Variants in KIF5B observed in about 807,000 individuals in gnomAD.
KIF5B encodes the protein kinesin-1 heavy chain.
In KIF5B, 49 loss-of-function variants were observed where a neutral mutation model predicts 132.8. That is an observed-to-expected ratio of 0.37 (90% confidence interval 0.29 to 0.47). The LOEUF (loss-of-function observed/expected upper bound fraction) is 0.47. KIF5B is among the 20% of genes least tolerant of loss of function. The pLI is 1.00. For missense variants in KIF5B, 780 were observed against 1,144.0 expected, an observed-to-expected ratio of 0.68 and a Z score of 4.59; for synonymous variants, 355 against 369.4, an observed-to-expected ratio of 0.96 and a Z score of 0.45.
In KIF5B at chr10:32,018,162, A is replaced by G. The variant is rs1472801797; in HGVS notation, c.2440-6T>C. ...TCAGAATCAATCTCAGCACTCTGAG[A>G]AAAGAAGGTAAGTATTACAAAAAAA... On this transcript the variant is annotated splice_polypyrimidine_tract_variant and splice_region_variant and intron_variant, in intron 22 of 25. Transcript: ENST00000302418. 1 of 1,579,714 alleles carries G rather than the reference A, an allele frequency of 6.3e-7. No individual in the cohort carries two copies. Among genetic ancestry groups the G allele is most frequent in the Non-Finnish European group, 8.6e-7 (1 of 1,162,462 alleles).
Position 32,033,891 on chromosome 10 carries a change from T to C in KIF5B, c.1259A>G (p.Lys420Arg). ...IGNFTDAERR[K>R]CEEEIAKLYK... ...TAATTTAGCAATTTCTTCTTCACAC[T>C]TTCTTCTTTCAGCATCAGTAAAATT... Residue 420 changes from lysine (K) to arginine (R), a missense_variant, in exon 12 of 26, where the codon AAG (lysine) becomes AGG (arginine). Transcript: ENST00000302418. 1.2e-6 allele frequency: 2 copies of C among 1,613,246 alleles called. No homozygotes were observed. The highest frequency in any genetic ancestry group is 1.7e-6 in the Non-Finnish European group (2 of 1,179,726).
At chr10:32,031,566 G>C (rs1360484392) in intron 13 of KIF5B, among the ~76,000 whole-genome samples, 1 of 152,174 alleles carries the variant, frequency 6.6e-6, no homozygotes, top group Non-Finnish European at 1.5e-5. Flanking sequence ...AACCATAAGA[G>C]AGGGACAGGA....
At position 32,015,621 on chromosome 10, in the gene KIF5B, G is replaced by C; in HGVS notation, c.2800C>G (p.Pro934Ala). ...CCACGAATTGCACTTGGGTGAGTTG[G>C]AGAAGCTGCTGGATGTTGCCCGGGA... ...IRPGQHPAAS[P>A]THPSAIRGGG... The change falls in exon 25 of 26, where the codon CCA becomes GCA. Residue 934 changes from proline (P) to alanine (A), a missense_variant. By Grantham distance (27) the Pro-to-Ala change is conservative. Transcript: ENST00000302418. The C allele has an allele frequency of 1.2e-6, 2 of 1,613,748 alleles. No individual in the cohort carries two copies. The highest frequency in any genetic ancestry group is 1.1e-5 in the South Asian group (1 of 91,034).
At chr10:32,053,005 ATT>A (rs1841712943) in intron 1 of KIF5B, among the ~76,000 whole-genome samples, 1 of 152,260 alleles carries the variant, frequency 6.6e-6, no homozygotes, top group African/African-American at 2.4e-5. Flanking sequence ...ATGAGCACTG[ATT>A]ATGCTTCTAA....
At chr10:32,027,618 T>C (rs2132593600) in intron 15 of KIF5B, among the ~76,000 whole-genome samples, 1 of 151,352 alleles carries the variant, frequency 6.6e-6, no homozygotes, top group East Asian at 1.9e-4. Context: ...CTAATCTTTT[T>C]TTTTTTTTTT....
intron 1 of KIF5B, among the ~76,000 whole-genome samples, chr10:32,054,862 T>A (rs527960282): frequency 1.1e-4 from 16 of 152,326 alleles, no homozygotes; most frequent in African/African-American, 3.8e-4. Context: ...GTCTCACTGA[T>A]AATGATCACT....
intron 13 of KIF5B, among the ~76,000 whole-genome samples, chr10:32,031,842 C>A (rs376584836): frequency 3.1e-4 from 12 of 39,290 alleles, no homozygotes; most frequent in Non-Finnish European, 2.9e-4. Flanking sequence ...ACTAAAAATA[C>A]CAAAAAATTA....
At chr10:32,019,605 G>GA (rs1247834422) in intron 20 of KIF5B, among the ~76,000 whole-genome samples, 1 of 152,112 alleles carries the variant, frequency 6.6e-6, no homozygotes, top group Admixed American at 6.5e-5. Context: ...TGGAGATAAA[G>GA]AAACAGCAAG....
At chr10:32,014,200 G>A (rs1030969379) in intron 25 of KIF5B, among the ~76,000 whole-genome samples, 5 of 152,108 alleles carry the variant, frequency 3.3e-5, no homozygotes, top group East Asian at 3.9e-4. Context: ...AAAGTGTTCC[G>A]AATATATTGC....
intron 6 of KIF5B, 54 bp downstream of exon 6, chr10:32,038,109 T>TAA (rs373407112): frequency 8.8e-4 from 847 of 963,444 alleles, no homozygotes; most frequent in South Asian, 1.2e-3. Context: ...GACTCTGTCT[T>TAA]AAAAAAAAAA....
intron 13 of KIF5B, among the ~76,000 whole-genome samples, chr10:32,031,802 G>C (rs1841405587): frequency 6.8e-6 from 1 of 147,574 alleles, no homozygotes; most frequent in Non-Finnish European, 1.5e-5. Context: ...TTTGAGACCA[G>C]CCTGACCAAC....
At position 32,055,177 on chromosome 10, in the gene KIF5B, C is replaced by A. The variant is rs1159749826; in HGVS notation, c.126+671G>T. Among the ~76,000 whole-genome samples the A allele has an allele frequency of 4.0e-5, 6 of 151,668 alleles. 1 individual carries two copies. The Middle Eastern group carries it at 0.017, about 430-fold the overall frequency. The stretch of plus-strand genomic sequence containing the variant: ...GCTAGATTAAACAAAACTGATCATC[C>A]TGTTTCAAAAAAAAAAAAGCTCAAC... On this transcript the variant is annotated intron_variant, in intron 1 of 25. Coordinates refer to ENST00000302418, the MANE Select transcript of KIF5B (RefSeq NM_004521.3).
chr10:32,013,669 GTGTGATAATAT>G (rs1299392470), intron 25 of KIF5B, among the ~76,000 whole-genome samples: 1 of 150,612 alleles, frequency 6.6e-6, no homozygotes, highest in Non-Finnish European at 1.5e-5. Flanking sequence ...ATCTTACTGG[GTGTGATAATAT>G]TGTGGCTATG....
At chr10:32,054,180 G>C (rs902713647) in intron 1 of KIF5B, among the ~76,000 whole-genome samples, 1 of 152,204 alleles carries the variant, frequency 6.6e-6, no homozygotes, top group African/African-American at 2.4e-5. Flanking sequence ...TGCAGAAGCT[G>C]AGTACTGTAA....
At chr10:32,048,019 C>A (rs757574055) in intron 2 of KIF5B, among the ~76,000 whole-genome samples, 14 of 152,150 alleles carry the variant, frequency 9.2e-5, no homozygotes, top group Non-Finnish European at 1.6e-4. Context: ...CCCTTGGCAA[C>A]CCTTGTTAAA....
rs1564468493 is a variant in KIF5B, at chr10:32,037,393, CACAAACAAAT to C, written c.587-25_587-16del. The C allele has an allele frequency of 6.2e-7, 1 of 1,608,300 alleles. No homozygotes were observed. Among genetic ancestry groups the C allele is most frequent in the South Asian group, 1.1e-5 (1 of 90,242 alleles). On this transcript the variant is annotated splice_polypyrimidine_tract_variant and intron_variant, in intron 7 of 25. Transcript: ENST00000302418. ...TTCATTCATATCTGCAAGGAAATTA[CACAAACAAAT>C]ATAAACAAACATGATTTCCCCTTAA...
chr10:32,035,269 T>C (rs1007005642), intron 10 of KIF5B, among the ~76,000 whole-genome samples: 1 of 152,216 alleles, frequency 6.6e-6, no homozygotes, highest in African/African-American at 2.4e-5. Context: ...TTCAAATGCT[T>C]ATTTTCTTTA....
At chr10:32,023,472 G>A (rs1841292158) in intron 15 of KIF5B, among the ~76,000 whole-genome samples, 1 of 152,130 alleles carries the variant, frequency 6.6e-6, no homozygotes, top group Non-Finnish European at 1.5e-5. Context: ...TCAACCAGAA[G>A]GAATTGTGGT....
chr10:32,017,302 G>A lies in KIF5B; in HGVS notation c.2602C>T (p.Arg868Ter). 1.2e-6 allele frequency: 2 copies of A among 1,614,156 alleles called. No individual in the cohort carries two copies. The highest frequency in any genetic ancestry group is 1.7e-6 in the Non-Finnish European group (2 of 1,180,024). ...CELPKLEKRL[R>*]ATAERVKALE... is the part of the protein sequence containing the mutation. Reference sequence around the variant, plus strand: ...GCTTTCACTCTCTCAGCTGTAGCTCGAAGTCGCTTTTCCAACTTAGGAAGT... The same window carrying A: ...GCTTTCACTCTCTCAGCTGTAGCTCAAAGTCGCTTTTCCAACTTAGGAAGT... Residue 868 changes from arginine (R) to a stop codon, truncating the protein, a stop_gained, in exon 24 of 26, where the codon CGA (arginine) becomes TGA (stop). Coordinates refer to ENST00000302418, the MANE Select transcript of KIF5B (RefSeq NM_004521.3). LOFTEE classifies it high-confidence loss of function.
Sources: gnomAD v4.1 joint callset for allele counts (sites outside exome capture counted in the v4.1 genomes callset) on GRCh38, gnomAD v4.1.1 for gene constraint, MANE v1.5 for transcripts, NCBI Gene and HGNC (gene_info 2026-07-23, HGNC 2026-07-21) for gene names.